MAPK4: variants seen among roughly 807,000 people sequenced by gnomAD.
MAPK4 encodes the protein Erk3-related.
MAPK4 carries 22 observed loss-of-function variants against 47.7 expected under a neutral mutation model. The ratio of observed to expected loss-of-function variants is 0.46; its 90% CI spans 0.33 to 0.66. The LOEUF is 0.66. Among genes scored for constraint, MAPK4 ranks in the 30% least tolerant of loss-of-function variants. MAPK4 has a pLI of 0.02. For synonymous variants in MAPK4, 390 were observed against 365.7 expected (o/e 1.07, Z -0.76); for missense variants, 736 against 831.7 (o/e 0.88, Z 1.42).
chr18:50,700,216 G>A (rs1909715309), intron 2 of MAPK4, among the ~76,000 whole-genome samples: 1 of 152,102 alleles, frequency 6.6e-6, no homozygotes, highest in African/African-American at 2.4e-5. Flanking sequence ...AGTCAGATAT[G>A]GTTCCAGGAG....
At chr18:50,711,585 G>A (rs906310466) in intron 2 of MAPK4, among the ~76,000 whole-genome samples, 18 of 152,346 alleles carry the variant, frequency 1.2e-4, no homozygotes, top group Admixed American at 9.1e-4. Flanking sequence ...TGCGCCAAGT[G>A]TGCCTGCTGT....
intron 2 of MAPK4, among the ~76,000 whole-genome samples, chr18:50,702,227 T>G (rs534340091): frequency 9.2e-4 from 139 of 151,454 alleles, no homozygotes; most frequent in Middle Eastern, 3.5e-3. Flanking sequence ...AAAGACTTAG[T>G]TATCTTTTTA....
chr18:50,589,124 G>C (rs528353816), intron 1 of MAPK4, among the ~76,000 whole-genome samples: 2 of 152,280 alleles, frequency 1.3e-5, no homozygotes, highest in African/African-American at 4.8e-5. Flanking sequence ...GCTCTGGTAC[G>C]TGGGTCCCTG....
chr18:50,713,110 C>T (rs1270697256), intron 2 of MAPK4, among the ~76,000 whole-genome samples: 1 of 152,140 alleles, frequency 6.6e-6, no homozygotes. Flanking sequence ...TTGCTAGGGG[C>T]TGGGACTAGG....
At chr18:50,651,076 A>G (rs181042916) in intron 1 of MAPK4, among the ~76,000 whole-genome samples, 100 of 152,362 alleles carry the variant, frequency 6.6e-4, no homozygotes, top group African/African-American at 2.3e-3. Context: ...TGAACTGACT[A>G]ATGCCTGAAG....
At chr18:50,586,238 G>A (rs1024501361) in intron 1 of MAPK4, among the ~76,000 whole-genome samples, 2 of 152,166 alleles carry the variant, frequency 1.3e-5, no homozygotes, top group Non-Finnish European at 2.9e-5. Flanking sequence ...ATTGACATTA[G>A]TTTGTCAAAG....
intron 3 of MAPK4, among the ~76,000 whole-genome samples, chr18:50,719,818 C>T (rs1910841190): frequency 6.6e-6 from 1 of 152,226 alleles, no homozygotes; most frequent in Admixed American, 6.5e-5. Context: ...GGCTCACTGT[C>T]TGTGGTCACG....
chr18:50,562,923 C>T (rs2042166755), intron 1 of MAPK4, among the ~76,000 whole-genome samples: 1 of 152,164 alleles, frequency 6.6e-6, no homozygotes, highest in Non-Finnish European at 1.5e-5. Context: ...TCTTATCAGA[C>T]ATTGAGAACT....
chr18:50,566,099 C>G (rs1235154837), intron 1 of MAPK4, among the ~76,000 whole-genome samples: 1 of 152,108 alleles, frequency 6.6e-6, no homozygotes, highest in African/African-American at 2.4e-5. Flanking sequence ...ATGCCTGGCC[C>G]TGCACAAGAC....
chr18:50,658,383 C>T (rs1443060030), intron 1 of MAPK4, among the ~76,000 whole-genome samples: 1 of 152,176 alleles, frequency 6.6e-6, no homozygotes, highest in Non-Finnish European at 1.5e-5. Context: ...GAGTGTTGGA[C>T]TTGGACCAAC....
intron 2 of MAPK4, among the ~76,000 whole-genome samples, chr18:50,695,338 TAA>T (rs59857315): frequency 0.013 from 1,129 of 84,652 alleles, 11 homozygotes; most frequent in African/African-American, 0.026. Context: ...GGCTCCATCT[TAA>T]AAAAAAAAAA....
At chr18:50,654,768 G>T (rs138707055) in intron 1 of MAPK4, among the ~76,000 whole-genome samples, 1 of 152,200 alleles carries the variant, frequency 6.6e-6, no homozygotes, top group African/African-American at 2.4e-5. Context: ...GACTTCCCAC[G>T]CAGGGACCCA....
intron 2 of MAPK4, among the ~76,000 whole-genome samples, chr18:50,712,545 TA>T (rs5824847): frequency 3.8e-4 from 54 of 143,282 alleles, no homozygotes; most frequent in Admixed American, 4.9e-4. Flanking sequence ...TGTTTTTCAT[TA>T]AAAAAAAAAA....
chr18:50,606,572 A>G (rs1032990259), intron 1 of MAPK4, among the ~76,000 whole-genome samples: 4 of 152,226 alleles, frequency 2.6e-5, no homozygotes, highest in African/African-American at 9.6e-5. Context: ...GGAACATAGC[A>G]TTGCATTTTC....
intron 2 of MAPK4, among the ~76,000 whole-genome samples, chr18:50,706,457 G>T (rs1167795424): frequency 7.1e-6 from 1 of 140,266 alleles, no homozygotes; most frequent in Non-Finnish European, 1.6e-5. Flanking sequence ...CTGAACGTCA[G>T]TTTTTTTTTT....
chr18:50,603,059 G>A (rs781267452), intron 1 of MAPK4, among the ~76,000 whole-genome samples: 7 of 152,172 alleles, frequency 4.6e-5, no homozygotes, highest in Non-Finnish European at 8.8e-5. Context: ...TGGTAAGGAG[G>A]TAGTGGAGAG....
At chr18:50,727,945 T>A (rs954119843) in intron 5 of MAPK4, among the ~76,000 whole-genome samples, 1 of 152,216 alleles carries the variant, frequency 6.6e-6, no homozygotes, top group African/African-American at 2.4e-5. Context: ...CTTCACACAC[T>A]CTTCCTCCTG....
intron 1 of MAPK4, among the ~76,000 whole-genome samples, chr18:50,646,553 G>T (rs1349140704): frequency 6.6e-6 from 1 of 152,198 alleles, no homozygotes; most frequent in East Asian, 1.9e-4. Flanking sequence ...ACTGCAGAGG[G>T]ACGGGGGCTG....
chr18:50,691,289 C>T (rs1010317524), intron 2 of MAPK4, among the ~76,000 whole-genome samples: 10 of 151,850 alleles, frequency 6.6e-5, no homozygotes, highest in Non-Finnish European at 1.2e-4. Context: ...CCACCACACC[C>T]GGCCAAAAAA....
Sources: gnomAD v4.1 joint callset for allele counts (sites outside exome capture counted in the v4.1 genomes callset) on GRCh38, gnomAD v4.1.1 for gene constraint, MANE v1.5 for transcripts, NCBI Gene and HGNC (gene_info 2026-07-23, HGNC 2026-07-21) for gene names.